Variants in FGF14 observed in about 807,000 individuals in gnomAD.
FGF14 encodes the protein fibroblast growth factor homologous factor 4.
A neutral mutation model predicts 25.5 loss-of-function variants in FGF14; 5 were observed. The ratio of observed to expected loss-of-function variants is 0.20; its 90% CI spans 0.10 to 0.41. The LOEUF is 0.41. FGF14 is among the 10% of genes least tolerant of loss of function. FGF14 has a pLI of 1.00. For synonymous variants in FGF14, 138 were observed against 118.3 expected, an observed-to-expected ratio of 1.17 and a Z score of -1.08; for missense variants, 222 against 320.1, an observed-to-expected ratio of 0.69 and a Z score of 2.34.
At chr13:102,130,546 T>G (rs2046151203) in intron 1 of FGF14, among the ~76,000 whole-genome samples, 1 of 152,146 alleles carries the variant, frequency 6.6e-6, no homozygotes, top group Admixed American at 6.6e-5. Context: ...GCAAATAAAT[T>G]CAATATGCAA....
chr13:101,807,872 A>T (rs73557414), intron 3 of FGF14, among the ~76,000 whole-genome samples: 1 of 152,106 alleles, frequency 6.6e-6, no homozygotes, highest in African/African-American at 2.4e-5. Flanking sequence ...ATGTCATTGA[A>T]GTAAGAAGAA....
intron 3 of FGF14, among the ~76,000 whole-genome samples, chr13:101,838,964 G>A (rs1196004463): frequency 6.6e-6 from 1 of 151,890 alleles, no homozygotes; most frequent in Non-Finnish European, 1.5e-5. Context: ...AATATCAAGC[G>A]AGGTTTCAAA....
intron 3 of FGF14, among the ~76,000 whole-genome samples, chr13:101,732,644 G>A (rs1366684386): frequency 1.3e-5 from 2 of 150,058 alleles, no homozygotes; most frequent in African/African-American, 4.9e-5. Flanking sequence ...ACAACAAAGG[G>A]TTCTTTCAAA....
chr13:102,031,072 A>G (rs1042221111), intron 1 of FGF14, among the ~76,000 whole-genome samples: 4 of 152,124 alleles, frequency 2.6e-5, no homozygotes, highest in Non-Finnish European at 5.9e-5. Flanking sequence ...CATAAAAATC[A>G]TAAGTGGCAG....
At chr13:101,938,532 C>A (rs2035247779) in intron 1 of FGF14, among the ~76,000 whole-genome samples, 1 of 152,076 alleles carries the variant, frequency 6.6e-6, no homozygotes, top group African/African-American at 2.4e-5. Flanking sequence ...CAAGTTTGTC[C>A]CAATAAAATC....
At chr13:102,224,020 C>T (rs2050728347) in intron 1 of FGF14, among the ~76,000 whole-genome samples, 1 of 152,024 alleles carries the variant, frequency 6.6e-6, no homozygotes, top group Non-Finnish European at 1.5e-5. Flanking sequence ...TCTGAAATGG[C>T]ATTATTTTTC....
chr13:102,308,023 C>G (rs959246583), intron 1 of FGF14, among the ~76,000 whole-genome samples: 8 of 152,142 alleles, frequency 5.3e-5, no homozygotes, highest in Non-Finnish European at 1.2e-4. Context: ...CAGAACTGAC[C>G]TCAGAACAGG....
At chr13:102,175,968 G>C (rs569411596) in intron 1 of FGF14, among the ~76,000 whole-genome samples, 5 of 152,142 alleles carry the variant, frequency 3.3e-5, no homozygotes, top group African/African-American at 1.2e-4. Context: ...CATTGTCGGT[G>C]GGAATGTAAA....
chr13:102,343,446 G>A (rs2057013429), intron 1 of FGF14, among the ~76,000 whole-genome samples: 1 of 152,150 alleles, frequency 6.6e-6, no homozygotes, highest in African/African-American at 2.4e-5. Context: ...GATTTCTAGG[G>A]CAGTTGTTGC....
intron 1 of FGF14, among the ~76,000 whole-genome samples, chr13:101,944,702 C>T (rs938408044): frequency 4.6e-5 from 7 of 152,176 alleles, no homozygotes; most frequent in Non-Finnish European, 8.8e-5. Flanking sequence ...TATTACTCAG[C>T]CCTAGAAAGA....
chr13:102,308,195 C>T (rs1036961021), intron 1 of FGF14, among the ~76,000 whole-genome samples: 8 of 152,134 alleles, frequency 5.3e-5, no homozygotes, highest in Admixed American at 3.9e-4. Context: ...CCCTAAGATA[C>T]TCAAGATCCT....
intron 1 of FGF14, among the ~76,000 whole-genome samples, chr13:102,075,187 A>AC (rs2043308968): frequency 6.6e-6 from 1 of 152,226 alleles, no homozygotes; most frequent in East Asian, 1.9e-4. Flanking sequence ...TGAAGACTTC[A>AC]CCAGAAAACT....
intron 3 of FGF14, among the ~76,000 whole-genome samples, chr13:101,787,001 C>T (rs902786008): frequency 1.3e-5 from 2 of 152,140 alleles, no homozygotes; most frequent in Non-Finnish European, 2.9e-5. Flanking sequence ...CACCTTCTAA[C>T]ATACAATCTG....
chr13:101,862,160 A>G (rs980456412), intron 3 of FGF14, among the ~76,000 whole-genome samples: 3 of 152,066 alleles, frequency 2.0e-5, no homozygotes, highest in African/African-American at 7.2e-5. Flanking sequence ...AGTCAGGTGG[A>G]TTCCAGGAAC....
chr13:101,928,203 C>A (rs1355739070), intron 1 of FGF14, among the ~76,000 whole-genome samples: 1 of 152,098 alleles, frequency 6.6e-6, no homozygotes, highest in East Asian at 1.9e-4. Context: ...AAGGGAATGG[C>A]ATATGCAAAG....
At chr13:101,954,720 G>GTT (rs2036405039) in intron 1 of FGF14, among the ~76,000 whole-genome samples, 1 of 152,160 alleles carries the variant, frequency 6.6e-6, no homozygotes, top group Non-Finnish European at 1.5e-5. Flanking sequence ...GTGTGTGTGT[G>GTT]TGCTTGTGCA....
intron 1 of FGF14, among the ~76,000 whole-genome samples, chr13:102,358,147 AT>A (rs1191374275): frequency 1.3e-5 from 2 of 152,176 alleles, no homozygotes; most frequent in Non-Finnish European, 2.9e-5. Flanking sequence ...TTAGAACATA[AT>A]TTTTTAAACC....
chr13:101,957,319 G>A (rs2036572997), intron 1 of FGF14, among the ~76,000 whole-genome samples: 1 of 152,120 alleles, frequency 6.6e-6, no homozygotes, highest in Non-Finnish European at 1.5e-5. Context: ...GGCAAGAAAA[G>A]CAGGTGAGAG....
chr13:102,258,173 G>A (rs2052540629), intron 1 of FGF14, among the ~76,000 whole-genome samples: 1 of 152,074 alleles, frequency 6.6e-6, no homozygotes, highest in Non-Finnish European at 1.5e-5. Context: ...TGGGGAAGCT[G>A]CCCCCATGAC....
Sources: allele counts gnomAD v4.1 joint callset (sites outside exome capture counted in the v4.1 genomes callset), GRCh38; gene constraint gnomAD v4.1.1; transcripts MANE v1.5; gene names NCBI Gene and HGNC (gene_info 2026-07-23, HGNC 2026-07-21).